The following CACNA2D2 variants were observed in gnomAD, a reference collection of about 807,000 sequenced individuals.
CACNA2D2 encodes the protein voltage-dependent calcium channel subunit alpha-2/delta-2.
CACNA2D2 carries 48 observed loss-of-function variants against 166.4 expected under a neutral mutation model. That is an observed-to-expected ratio of 0.29 (90% CI 0.23 to 0.37). CACNA2D2 has a LOEUF of 0.37. Ranked by LOEUF, CACNA2D2 falls within the 10% of genes least tolerant of loss-of-function variation. CACNA2D2 has a pLI of 1.00. For missense variants in CACNA2D2, 1,122 were observed against 1,433.0 expected (o/e 0.78, Z 3.50); for synonymous variants, 561 against 573.7 (o/e 0.98, Z 0.32).
chr3:50,364,822 A>C lies in CACNA2D2; in HGVS notation c.3292-16T>G. 6.2e-7 allele frequency: 1 copy of C among 1,612,814 alleles called. No individual in the cohort carries two copies. Among genetic ancestry groups the C allele is most frequent in the Non-Finnish European group, 8.5e-7 (1 of 1,179,760 alleles). On this transcript the variant is annotated splice_polypyrimidine_tract_variant and intron_variant, in intron 37 of 37. Coordinates refer to ENST00000424201, the MANE Select transcript of CACNA2D2 (RefSeq NM_006030.4). ...AGGTATCTTCCTGCGGGGAGAGACA[A>C]GGAGCTGGTCGGCCTGGGCGGGCGC...
At chr3:50,442,824 T>TTGCCTGAACTCAAGACAAGCG (rs1708662282) in intron 2 of CACNA2D2, among the ~76,000 whole-genome samples, 1 of 152,138 alleles carries the variant, frequency 6.6e-6, no homozygotes, top group African/African-American at 2.4e-5. Flanking sequence ...GGGGCATCTG[T>TTGCCTGAACTCAAGACAAGCG]TGCCTGAACT....
chr3:50,463,861 C>A (rs1709699680), intron 2 of CACNA2D2, among the ~76,000 whole-genome samples: 2 of 152,248 alleles, frequency 1.3e-5, no homozygotes, highest in Non-Finnish European at 2.9e-5. Flanking sequence ...CTCATGTGAG[C>A]CTGCACTGCA....
At chr3:50,457,062 T>C (rs1336783098) in intron 2 of CACNA2D2, among the ~76,000 whole-genome samples, 1 of 152,126 alleles carries the variant, frequency 6.6e-6, no homozygotes, top group Admixed American at 6.5e-5. Context: ...TTAGCTTGGC[T>C]AACATGGTGA....
At chr3:50,486,565 G>A (rs1449887572) in intron 1 of CACNA2D2, among the ~76,000 whole-genome samples, 5 of 152,162 alleles carry the variant, frequency 3.3e-5, no homozygotes, top group African/African-American at 9.7e-5. Context: ...GGACATCCAT[G>A]TACAGAGGAG....
At chr3:50,448,847 C>T (rs1708979428) in intron 2 of CACNA2D2, among the ~76,000 whole-genome samples, 1 of 152,186 alleles carries the variant, frequency 6.6e-6, no homozygotes, top group Non-Finnish European at 1.5e-5. Flanking sequence ...CTAGCCACTA[C>T]CCCCACAGAC....
chr3:50,388,877 C>T (rs1705741671), intron 4 of CACNA2D2, among the ~76,000 whole-genome samples: 1 of 152,242 alleles, frequency 6.6e-6, no homozygotes, highest in Non-Finnish European at 1.5e-5. Flanking sequence ...CAGCATTCTG[C>T]AACACTGACT....
chr3:50,366,351 G>A lies in CACNA2D2; in HGVS notation c.2638-13C>T, dbSNP rs1704284115. 3 of 1,613,516 alleles carry A rather than the reference G, an allele frequency of 1.9e-6. No individual in the cohort carries two copies. Among genetic ancestry groups the A allele is most frequent in the Middle Eastern group, 1.7e-4 (1 of 6,060 alleles). On this transcript the variant is annotated splice_polypyrimidine_tract_variant and intron_variant, in intron 30 of 37. Coordinates refer to ENST00000424201, the MANE Select transcript of CACNA2D2 (RefSeq NM_006030.4). The surrounding 1 kb of genome is among the most constrained non-coding windows in gnomAD (Gnocchi z 5.9). ...CACAGAGTAAGTCCTAGGAGGAAGG[G>A]AATGGGGAGGAAAATGGAGAGGGGC...
At chr3:50,416,964 C>G (rs1011752871) in intron 3 of CACNA2D2, among the ~76,000 whole-genome samples, 1 of 152,212 alleles carries the variant, frequency 6.6e-6, no homozygotes, top group African/African-American at 2.4e-5. Flanking sequence ...GTGTGCATGT[C>G]CACTGCAGGT....
At chr3:50,373,757 C>T (rs78671882) in intron 22 of CACNA2D2, among the ~76,000 whole-genome samples, 9,371 of 119,636 alleles carry the variant, frequency 0.078, 458 homozygotes, top group Admixed American at 0.098. Context: ...GAGGACAGTG[C>T]GTAAGGGAGG....
At chr3:50,455,351 T>C (rs1709305197) in intron 2 of CACNA2D2, among the ~76,000 whole-genome samples, 1 of 152,114 alleles carries the variant, frequency 6.6e-6, no homozygotes, top group Non-Finnish European at 1.5e-5. Context: ...AACATCCTAA[T>C]GAAAAATAAA....
At chr3:50,464,467 G>C (rs1021574887) in intron 2 of CACNA2D2, among the ~76,000 whole-genome samples, 1 of 152,194 alleles carries the variant, frequency 6.6e-6, no homozygotes, top group African/African-American at 2.4e-5. Context: ...TGAGTGGGTA[G>C]CAAAGCCTCA....
At chr3:50,489,930 C>T (rs1281967258) in intron 1 of CACNA2D2, among the ~76,000 whole-genome samples, 2 of 152,284 alleles carry the variant, frequency 1.3e-5, no homozygotes, top group East Asian at 3.9e-4. Flanking sequence ...TGTTTATCTC[C>T]CCCATGGACT....
chr3:50,416,489 G>A (rs1707269119), intron 3 of CACNA2D2, among the ~76,000 whole-genome samples: 1 of 152,210 alleles, frequency 6.6e-6, no homozygotes. Flanking sequence ...CCACGGCGGG[G>A]TGACCCCTGA....
At chr3:50,400,965 G>A (rs1296858902) in intron 3 of CACNA2D2, among the ~76,000 whole-genome samples, 1 of 152,166 alleles carries the variant, frequency 6.6e-6, no homozygotes, top group South Asian at 2.1e-4. Flanking sequence ...GTGAGCCACC[G>A]CGCCTGGCCC....
chr3:50,374,496 CA>C (rs1315493073), intron 22 of CACNA2D2, among the ~76,000 whole-genome samples: 1 of 151,720 alleles, frequency 6.6e-6, no homozygotes, highest in African/African-American at 2.4e-5. Flanking sequence ...TAGGAGAAAC[CA>C]AAAACAGCAA....
At position 50,364,955 on chromosome 3, in the gene CACNA2D2, T is replaced by A; in HGVS notation, c.3224A>T (p.Gln1075Leu). 2 of 1,612,248 alleles carry A rather than the reference T, an allele frequency of 1.2e-6. No homozygotes were observed. The highest frequency in any genetic ancestry group is 1.7e-6 in the Non-Finnish European group (2 of 1,179,570). ...TCGCGGTCTCTGCACTAGCTCACAC[T>A]GCTCCGGGCCGTCCGCTGGGCATGG... is the stretch of plus-strand genomic sequence containing the variant. ...QKETHSDGPE[Q>L]CELVQRPRYR... The change falls in exon 37 of 38, where the codon CAG (glutamine) becomes CTG (leucine). Residue 1075 changes from glutamine to leucine, a missense_variant. Physicochemically the swap from Gln to Leu is moderately radical, Grantham distance 113 (BLOSUM62 -2). Transcript: ENST00000424201.
chr3:50,468,380 AGT>A (rs3220659), intron 2 of CACNA2D2, among the ~76,000 whole-genome samples: 7,412 of 82,524 alleles, frequency 0.09, 232 homozygotes, highest in Middle Eastern at 0.13. Context: ...TCATCAGAAT[AGT>A]GTGTGTGTGT....
In CACNA2D2 at chr3:50,380,308, C is replaced by T. The variant is rs1193853937; in HGVS notation, c.843-290G>A. On this transcript the variant is annotated intron_variant, in intron 8 of 37. Transcript: ENST00000424201. This position sits in a 1 kb window ranked among gnomAD's most constrained non-coding sequence, Gnocchi z 4.9. ...TGGCTTCAGTGGCTTGTTGTGTCCT[C>T]TGCCTCAGGTTGGGGCCCCGAGGGC... is the stretch of plus-strand genomic sequence containing the variant. Among the ~76,000 whole-genome samples the T allele has an allele frequency of 1.3e-5, 2 of 152,200 alleles. No individual in the cohort carries two copies. Among genetic ancestry groups the T allele is most frequent in the Admixed American group, 6.5e-5 (1 of 15,288 alleles).
Position 50,427,501 on chromosome 3 carries a change from C to T in CACNA2D2, c.405+6812G>A, listed in dbSNP as rs1707857298. Reference sequence around the variant, plus strand: ...CCACGCGTGCGCCTAATTGGCTCCACGTGTCTGCGGCTCCTTTCCAGAGCA... The same window carrying T: ...CCACGCGTGCGCCTAATTGGCTCCATGTGTCTGCGGCTCCTTTCCAGAGCA... On this transcript the variant is annotated intron_variant, in intron 3 of 37. Coordinates refer to ENST00000424201, the MANE Select transcript of CACNA2D2 (RefSeq NM_006030.4). This position sits in a 1 kb window ranked among gnomAD's most constrained non-coding sequence, Gnocchi z 4.7. Among the ~76,000 whole-genome samples, 1 of 152,260 alleles carries T rather than the reference C, an allele frequency of 6.6e-6. No individual in the cohort carries two copies. The highest frequency in any genetic ancestry group is 2.4e-5 in the African/African-American group (1 of 41,480).
Sources: gnomAD v4.1 joint callset for allele counts (sites outside exome capture counted in the v4.1 genomes callset) on GRCh38, gnomAD v4.1.1 for gene constraint, Gnocchi (gnomAD v3.1) non-coding constraint, MANE v1.5 for transcripts, NCBI Gene and HGNC (gene_info 2026-07-23, HGNC 2026-07-21) for gene names.